FBLN7: variants seen among roughly 807,000 people sequenced by gnomAD.
FBLN7 encodes the protein fibulin-7.
A neutral mutation model predicts 44.0 loss-of-function variants in FBLN7; 31 were observed. That is an observed-to-expected ratio of 0.70 (90% CI 0.53 to 0.95). FBLN7 has a LOEUF of 0.95. Ranked by LOEUF, FBLN7 falls within the 40% of genes least tolerant of loss-of-function variation. The pLI, the probability that FBLN7 is intolerant of heterozygous loss-of-function variation, is 0.00. For missense variants in FBLN7, 573 were observed against 618.5 expected (o/e 0.93, Z 0.78); for synonymous variants, 262 against 253.4 (o/e 1.03, Z -0.32).
At chr2:112,186,848 A>G (rs1683292500) in intron 7 of FBLN7, among the ~76,000 whole-genome samples, 1 of 152,200 alleles carries the variant, frequency 6.6e-6, no homozygotes, top group Admixed American at 6.5e-5. Context: ...TTCTGTAAAA[A>G]TGATAGTAAT....
chr2:112,198,645 AAG>A, the FBLN7 span, among the ~76,000 whole-genome samples: 153 of 122,770 alleles, frequency 1.2e-3, no homozygotes, highest in African/African-American at 3.0e-3. Context: ...AAAAAAAAGA[AAG>A]AAAGAAAGAA....
the FBLN7 span, among the ~76,000 whole-genome samples, chr2:112,236,887 G>T: frequency 1.3e-5 from 2 of 152,212 alleles, no homozygotes; most frequent in African/African-American, 2.4e-5. Flanking sequence ...GCAGCCTAGA[G>T]ATCTTGTCTC....
chr2:112,221,410 TGTAA>T, the FBLN7 span, among the ~76,000 whole-genome samples: 2 of 152,200 alleles, frequency 1.3e-5, no homozygotes, highest in East Asian at 1.9e-4. Context: ...CTGCCATGTC[TGTAA>T]GTAAGTTTCC....
At chr2:112,236,470 C>T in the FBLN7 span, 1 of 1,520,100 alleles carries the variant, frequency 6.6e-7, no homozygotes, top group Non-Finnish European at 8.8e-7. Context: ...TCCACCTCTC[C>T]ATATCACATA....
At chr2:112,220,612 G>A in the FBLN7 span, among the ~76,000 whole-genome samples, 9 of 152,136 alleles carry the variant, frequency 5.9e-5, no homozygotes, top group East Asian at 1.4e-3. Flanking sequence ...ACCTGAGCTC[G>A]GGAGTTCAAG....
At chr2:112,230,840 G>T in the FBLN7 span, 1 of 1,088,328 alleles carries the variant, frequency 9.2e-7, no homozygotes, top group Non-Finnish European at 1.2e-6. Flanking sequence ...TATTGAGGTT[G>T]CATGCCAACT....
chr2:112,211,617 C>T, the FBLN7 span: 2 of 152,154 alleles, frequency 1.3e-5, no homozygotes, highest in East Asian at 3.8e-4. Context: ...CAATAAGATT[C>T]ACCATTTCTT....
chr2:112,163,046 G>C (rs1405627981), intron 2 of FBLN7, among the ~76,000 whole-genome samples: 1 of 152,212 alleles, frequency 6.6e-6, no homozygotes, highest in Non-Finnish European at 1.5e-5. Flanking sequence ...GGCCAACTTG[G>C]AGCTTTACTC....
the FBLN7 span, among the ~76,000 whole-genome samples, chr2:112,202,366 C>T: frequency 2.4e-4 from 37 of 151,580 alleles, no homozygotes; most frequent in East Asian, 6.0e-3. Context: ...GTCATAAATA[C>T]GTATATAGTT....
At chr2:112,224,214 TTA>T in the FBLN7 span, among the ~76,000 whole-genome samples, 1 of 152,200 alleles carries the variant, frequency 6.6e-6, no homozygotes, top group Non-Finnish European at 1.5e-5. Context: ...AAAATTTAGT[TTA>T]TATCAGGAAC....
chr2:112,224,107 C>G, the FBLN7 span, among the ~76,000 whole-genome samples: 47 of 152,250 alleles, frequency 3.1e-4, no homozygotes, highest in Middle Eastern at 6.8e-3. Context: ...AATGCCACTG[C>G]ACTCCAGCTT....
chr2:112,197,951 A>C, the FBLN7 span, among the ~76,000 whole-genome samples: 2 of 152,174 alleles, frequency 1.3e-5, no homozygotes, highest in Non-Finnish European at 2.9e-5. Context: ...AAGATGAAAC[A>C]AGGGGCTCAA....
At position 112,187,110 on chromosome 2, in the gene FBLN7, C is replaced by T. The variant is rs1404920755; in HGVS notation, c.948-24C>T. On this transcript the variant is annotated intron_variant, in intron 7 of 7. Transcript: ENST00000331203. This position sits in a 1 kb window ranked among gnomAD's most constrained non-coding sequence, Gnocchi z 5.1. ...CATGAGACTCCCCAAGGCTGACTGC[C>T]TCCATTTTGCCTCTCCGCTCCAGCC... 6.2e-7 allele frequency: 1 copy of T among 1,609,238 alleles called. No homozygotes were observed. The highest frequency in any genetic ancestry group is 2.2e-5 in the East Asian group (1 of 44,796).
At chr2:112,243,841 G>A in the FBLN7 span, among the ~76,000 whole-genome samples, 1 of 151,728 alleles carries the variant, frequency 6.6e-6, no homozygotes, top group African/African-American at 2.4e-5. Context: ...AACAGATCCA[G>A]AAGAAGCAAC....
the FBLN7 span, among the ~76,000 whole-genome samples, chr2:112,240,988 C>CGT: frequency 7.4e-6 from 1 of 134,292 alleles, no homozygotes; most frequent in East Asian, 2.1e-4. Flanking sequence ...TGTGTGTGCG[C>CGT]GTGTGTATGT....
chr2:112,204,775 C>T, the FBLN7 span, among the ~76,000 whole-genome samples: 1 of 152,108 alleles, frequency 6.6e-6, no homozygotes, highest in Non-Finnish European at 1.5e-5. Context: ...GTATTGTTAG[C>T]ACACATACCA....
At chr2:112,216,405 A>G in the FBLN7 span, 1 of 152,234 alleles carries the variant, frequency 6.6e-6, no homozygotes, top group African/African-American at 2.4e-5. Context: ...ACTCCAAATC[A>G]CCAGTCTTGA....
intron 2 of FBLN7, among the ~76,000 whole-genome samples, chr2:112,162,556 T>A (rs1681932371): frequency 6.6e-6 from 1 of 152,116 alleles, no homozygotes; most frequent in Admixed American, 6.5e-5. Context: ...TAACTTCACC[T>A]CGGAAGGCGC....
chr2:112,220,928 G>A, the FBLN7 span, among the ~76,000 whole-genome samples: 7 of 152,272 alleles, frequency 4.6e-5, no homozygotes, highest in East Asian at 3.9e-4. Context: ...ATGACTATCC[G>A]TCATGAGGAT....
Sources: gnomAD v4.1 joint callset for allele counts (sites outside exome capture counted in the v4.1 genomes callset) on GRCh38, gnomAD v4.1.1 for gene constraint, Gnocchi (gnomAD v3.1) non-coding constraint, MANE v1.5 for transcripts, NCBI Gene and HGNC (gene_info 2026-07-23, HGNC 2026-07-21) for gene names.